Variants in REL observed in about 807,000 individuals in gnomAD.
REL encodes proto-oncogene c-Rel.
In REL, 15 loss-of-function variants were observed where a neutral mutation model predicts 45.9. The ratio of observed to expected loss-of-function variants is 0.33; its 90% CI spans 0.22 to 0.50. The LOEUF is 0.50. REL is among the 20% of genes least tolerant of loss of function. The probability of loss-of-function intolerance (pLI) is 0.98; values close to 1 mark genes in which losing one functional copy is unlikely to be tolerated. For missense variants in REL, 601 were observed against 715.2 expected (o/e 0.84, Z 1.82); for synonymous variants, 239 against 242.1 (o/e 0.99, Z 0.12).
intron 4 of REL, 41 bp from the exon 5 acceptor site, chr2:60,916,836 A>T: frequency 1.3e-6 from 2 of 1,490,210 alleles, no homozygotes; most frequent in Non-Finnish European, 9.3e-7. Context: ...CTTTAGGTCT[A>T]TGTGACTATT....
intron 5 of REL, 93 bp downstream of exon 5, chr2:60,917,110 T>C: frequency 9.2e-7 from 1 of 1,092,784 alleles, no homozygotes; most frequent in South Asian, 1.6e-5. Context: ...GAAAACAATA[T>C]ATTCATGATA....
At chr2:60,890,117 C>G (rs924942361) in intron 1 of REL, among the ~76,000 whole-genome samples, 2 of 152,204 alleles carry the variant, frequency 1.3e-5, no homozygotes, top group African/African-American at 4.8e-5. Flanking sequence ...CCTGTTGTTT[C>G]CTGACTTTTT....
chr2:60,909,370 A>G (rs570957628), intron 4 of REL, among the ~76,000 whole-genome samples: 29 of 152,290 alleles, frequency 1.9e-4, no homozygotes, highest in African/African-American at 7.0e-4. Context: ...CATAGGGGAT[A>G]CTTTATATAC....
chr2:60,925,232 C>T lies in REL; in HGVS notation c.*2697C>T, dbSNP rs187444795. On this transcript the variant is annotated 3_prime_UTR_variant, in exon 10 of 10. Coordinates refer to ENST00000394479, the MANE Select transcript of REL (RefSeq NM_001291746.2). ...GAAACAGTCTGTCATTTTACTTACA[C>T]GATGTCTAACCAAACCATAACTTTA... 28 of 195,692 alleles carry T rather than the reference C, an allele frequency of 1.4e-4. No homozygotes were observed. Among genetic ancestry groups the T allele is most frequent in the African/African-American group, 3.0e-4 (13 of 43,378 alleles). The allele number at this position is 195,692 out of a possible 1,614,324, so 12.1% of individuals were successfully genotyped here.
At chr2:60,898,329 G>A (rs746252350) in intron 3 of REL, among the ~76,000 whole-genome samples, 1 of 152,046 alleles carries the variant, frequency 6.6e-6, no homozygotes, top group South Asian at 2.1e-4. Context: ...AGCCTATAAG[G>A]CCCACATGAC....
rs1197056095 is a variant in REL at position 60,920,615 on chromosome 2, A to G, written c.964A>G (p.Ile322Val). 1.9e-6 allele frequency: 3 copies of G among 1,604,800 alleles called. No homozygotes were observed. Among genetic ancestry groups the G allele is most frequent in the Non-Finnish European group, 1.7e-6 (2 of 1,173,450 alleles). The change falls in exon 9 of 10, where the codon ATT becomes GTT. Residue 322 changes from isoleucine (I) to valine (V), a missense_variant. Physicochemically the swap from Ile to Val is conservative, Grantham distance 29 (BLOSUM62 3). This residue lies in a region of REL where 334 missense variants were observed against 333.1 expected (regional missense o/e 1.00). Transcript: ENST00000394479. ...ERPRPGLLGS[I>V]GEGRYFKKEP... ...ACCAAGACCTGGTCTCCTCGGTTCA[A>G]TTGGAGAAGGAAGATACTTCAAAAA...
chr2:60,929,363 C>A lies in REL; in HGVS notation c.*6828C>A, dbSNP rs1474203896. ...TATAAATCATGCTGCTATAAAGACA[C>A]ATGCACACGTATGTTTATTGCGGCA... On this transcript the variant is annotated 3_prime_UTR_variant, in exon 10 of 10. Transcript: ENST00000394479. 2.9e-5 allele frequency: 4 copies of A among 138,000 alleles called. No homozygotes were observed. The East Asian group carries it at 7.8e-4, about 27-fold the overall frequency. The allele number at this position is 138,000 out of a possible 1,614,324, so 8.5% of individuals were successfully genotyped here.
rs917004832 is a variant in REL at position 60,930,755 on chromosome 2, A to T, written c.*8220A>T. 1 of 152,350 alleles carries T rather than the reference A, an allele frequency of 6.6e-6. No homozygotes were observed. The highest frequency in any genetic ancestry group is 1.5e-5 in the Non-Finnish European group (1 of 68,026). The allele number at this position is 152,350 out of a possible 1,614,324, so 9.4% of individuals were successfully genotyped here. A position where few individuals can be genotyped will look rare whatever the true frequency, so the allele number is the denominator to read the frequency against. ...CTTTAGGAAAATACCACCAGCTAGT[A>T]CTTACCTATTTAAAGATGTAGAATT... On this transcript the variant is annotated 3_prime_UTR_variant, in exon 10 of 10. Coordinates refer to ENST00000394479, the MANE Select transcript of REL (RefSeq NM_001291746.2).
intron 3 of REL, among the ~76,000 whole-genome samples, chr2:60,895,163 T>C (rs1673318377): frequency 6.6e-6 from 1 of 151,786 alleles, no homozygotes; most frequent in African/African-American, 2.4e-5. Context: ...CTAGCCTCTG[T>C]CTTTTCATTT....
At chr2:60,914,276 G>A (rs746309393) in intron 4 of REL, among the ~76,000 whole-genome samples, 15 of 152,156 alleles carry the variant, frequency 9.9e-5, no homozygotes, top group East Asian at 3.8e-4. Flanking sequence ...GGGTAAAAAC[G>A]GGTATCTGTC....
chr2:60,891,477 A>G (rs1014422736), intron 1 of REL, among the ~76,000 whole-genome samples: 11 of 152,088 alleles, frequency 7.2e-5, no homozygotes, highest in African/African-American at 2.4e-4. Flanking sequence ...ACTTGTTTTG[A>G]CACTACATAG....
intron 3 of REL, chr2:60,899,667 G>T (rs932766356): frequency 6.6e-6 from 1 of 152,284 alleles, no homozygotes; most frequent in East Asian, 1.9e-4. Flanking sequence ...TTGAACAATA[G>T]TAATGTTATT....
chr2:60,894,677 T>G, intron 3 of REL, 132 bp downstream of exon 3: 1 of 596,132 alleles, frequency 1.7e-6, no homozygotes, highest in Non-Finnish European at 2.7e-6. Flanking sequence ...TATTTTACAC[T>G]TACATTTTTA....
intron 3 of REL, chr2:60,898,867 T>G (rs1395439902): frequency 1.3e-5 from 2 of 152,232 alleles, no homozygotes; most frequent in African/African-American, 2.4e-5. Flanking sequence ...CCCATTACTT[T>G]GCAGAGTTTT....
Position 60,923,760 on chromosome 2 carries a change from C to T in REL, c.*1225C>T. The T allele has an allele frequency of 4.3e-6, 1 of 233,272 alleles. No homozygotes were observed. Among genetic ancestry groups the T allele is most frequent in the Non-Finnish European group, 8.5e-6 (1 of 118,038 alleles). 14.5% of individuals were successfully genotyped at this position (233,272 alleles called of 1,614,324 possible). On this transcript the variant is annotated 3_prime_UTR_variant, in exon 10 of 10. Coordinates refer to ENST00000394479, the MANE Select transcript of REL (RefSeq NM_001291746.2). Reference sequence around the variant, plus strand: ...GCCCTATTCCAAGCCACCATCATCTCTTCCCTGGATTGAAGCTGTCATCTA... The same window carrying T: ...GCCCTATTCCAAGCCACCATCATCTTTTCCCTGGATTGAAGCTGTCATCTA...
chr2:60,917,701 T>TGTGTGTGTGTGTGTGTGTAC (rs1674017409), intron 5 of REL, among the ~76,000 whole-genome samples: 1 of 150,414 alleles, frequency 6.6e-6, no homozygotes, highest in South Asian at 2.1e-4. Flanking sequence ...TGTGTGTGTG[T>TGTGTGTGTGTGTGTGTGTAC]GTGTGTGTGT....
At chr2:60,911,414 T>C (rs1673808914) in intron 4 of REL, 2 of 152,168 alleles carry the variant, frequency 1.3e-5, no homozygotes, top group Non-Finnish European at 2.9e-5. Flanking sequence ...ATAGTCAGCA[T>C]TGGCAATTTT....
rs1355849482 is a variant in REL at position 60,906,893 on chromosome 2, G to GTATA, written c.394+5828_394+5831dup. ...TGTGCGTGTGTGTATGTGTGTGTGT[G>GTATA]TATATATATATATATATATATTTTT... On this transcript the variant is annotated intron_variant, in intron 4 of 9. Transcript: ENST00000394479. Among the ~76,000 whole-genome samples the GTATA allele has an allele frequency of 3.1e-3, 381 of 121,296 alleles. 4 individuals carry two copies. Among genetic ancestry groups the GTATA allele is most frequent in the African/African-American group, 9.9e-3 (296 of 29,814 alleles). The allele number at this position is 121,296 out of a possible 152,430, so 79.6% of individuals were successfully genotyped here.
chr2:60,894,387 C>CT lies in REL; in HGVS notation c.154-4dup. On this transcript the variant is annotated splice_polypyrimidine_tract_variant and intron_variant, in intron 2 of 9. Transcript: ENST00000394479. ...TTTGGATCATGTATTTAATTTCCCCCTTTTTTCAGATTATGAACTATTATG... is the reference window on the plus strand; with the variant it reads ...TTTGGATCATGTATTTAATTTCCCCCTTTTTTTCAGATTATGAACTATTATG... 3 of 1,448,810 alleles carry CT rather than the reference C, an allele frequency of 2.1e-6. No individual in the cohort carries two copies. Among genetic ancestry groups the CT allele is most frequent in the Non-Finnish European group, 2.8e-6 (3 of 1,071,752 alleles). The allele number at this position is 1,448,810 out of a possible 1,614,324, so 89.7% of individuals were successfully genotyped here.
Sources: allele counts gnomAD v4.1 joint callset (sites outside exome capture counted in the v4.1 genomes callset), GRCh38; gene constraint gnomAD v4.1.1; regional missense constraint gnomAD v4.1.1; transcripts MANE v1.5; gene names NCBI Gene and HGNC (gene_info 2026-07-23, HGNC 2026-07-21).